The following CBLB variants were observed in gnomAD, a reference collection of about 807,000 sequenced individuals.
The protein encoded by CBLB is E3 ubiquitin-protein ligase CBL-B.
Under a neutral mutation model 104.9 loss-of-function variants are expected in CBLB, and 31 were observed. The observed-to-expected ratio is 0.30, with a 90% CI of 0.22 to 0.40. The LOEUF (loss-of-function observed/expected upper bound fraction) is 0.40, where lower values mean the gene tolerates loss of function less well. Ranked by LOEUF, CBLB falls within the 10% of genes least tolerant of loss-of-function variation. The pLI, the probability that CBLB is intolerant of heterozygous loss-of-function variation, is 1.00. For missense variants in CBLB, 1,062 were observed against 1,214.6 expected (o/e 0.87, Z 1.87); for synonymous variants, 440 against 422.6 (o/e 1.04, Z -0.51).
chr3:105,841,445 G>C (rs1309434476), intron 3 of CBLB, among the ~76,000 whole-genome samples: 1 of 151,656 alleles, frequency 6.6e-6, no homozygotes, highest in East Asian at 1.9e-4. Flanking sequence ...TAAAATGGCA[G>C]AAACCAAGAT....
chr3:105,752,833 TG>T (rs1457201228), intron 4 of CBLB, among the ~76,000 whole-genome samples: 1 of 152,188 alleles, frequency 6.6e-6, no homozygotes, highest in Non-Finnish European at 1.5e-5. Context: ...TCAGTAGCAT[TG>T]GGGTGGGGCC....
intron 3 of CBLB, among the ~76,000 whole-genome samples, chr3:105,805,682 C>G (rs544193794): frequency 6.6e-6 from 1 of 152,128 alleles, no homozygotes; most frequent in Non-Finnish European, 1.5e-5. Context: ...ACATGTCTTA[C>G]GGCTTCAGGC....
intron 2 of CBLB, among the ~76,000 whole-genome samples, chr3:105,859,332 G>A (rs191777284): frequency 1.3e-4 from 20 of 152,274 alleles, no homozygotes; most frequent in African/African-American, 3.6e-4. Context: ...ACTCTCAAGT[G>A]AACTGCCTCA....
At chr3:105,677,293 T>A (rs1268807640) in intron 17 of CBLB, among the ~76,000 whole-genome samples, 1 of 151,030 alleles carries the variant, frequency 6.6e-6, no homozygotes, top group Non-Finnish European at 1.5e-5. Flanking sequence ...AAGTTGTACG[T>A]CCATAACTTG....
chr3:105,815,526 T>A (rs1277262546), intron 3 of CBLB, among the ~76,000 whole-genome samples: 1 of 152,176 alleles, frequency 6.6e-6, no homozygotes, highest in Admixed American at 6.5e-5. Context: ...AGAATGGTGA[T>A]CACTAAAAAG....
intron 3 of CBLB, among the ~76,000 whole-genome samples, chr3:105,821,545 G>T (rs1485589958): frequency 1.3e-5 from 2 of 152,068 alleles, no homozygotes; most frequent in Admixed American, 1.3e-4. Context: ...AGAAATCTTT[G>T]CAGGGCAGGT....
At chr3:105,730,156 G>A (rs572138053) in intron 9 of CBLB, among the ~76,000 whole-genome samples, 21 of 151,556 alleles carry the variant, frequency 1.4e-4, no homozygotes, top group African/African-American at 4.3e-4. Context: ...GTAAAACAGC[G>A]ATAAAAATGC....
At chr3:105,798,182 C>G (rs891977543) in intron 3 of CBLB, among the ~76,000 whole-genome samples, 1 of 152,058 alleles carries the variant, frequency 6.6e-6, no homozygotes, top group African/African-American at 2.4e-5. Flanking sequence ...TTATATTGAA[C>G]GAAGAGATAT....
Position 105,688,135 on chromosome 3 carries a change from G to A in CBLB, c.2055-2669C>T, listed in dbSNP as rs527641134. On this transcript the variant is annotated intron_variant, in intron 13 of 18. Transcript: ENST00000394030. ...ATTTTCAGTCATTGACTAAACTTAC[G>A]GGAAATTTTTAGGATACCAGAGGAA... 1.0e-3 allele frequency among the ~76,000 whole-genome samples: 155 copies of A among 151,970 alleles called. 2 individuals are homozygous for A. Among genetic ancestry groups the A allele is most frequent in the African/African-American group, 3.4e-3 (141 of 41,490 alleles).
At chr3:105,752,942 A>C (rs2076723149) in intron 4 of CBLB, among the ~76,000 whole-genome samples, 1 of 152,218 alleles carries the variant, frequency 6.6e-6, no homozygotes, top group South Asian at 2.1e-4. Flanking sequence ...TTCATTGCTA[A>C]AACAAGGCAC....
chr3:105,733,141 A>G (rs2074506442), intron 9 of CBLB, among the ~76,000 whole-genome samples: 1 of 152,058 alleles, frequency 6.6e-6, no homozygotes. Context: ...GTGGATCACA[A>G]GGTCAGGAGA....
At chr3:105,701,138 T>C (rs1416673197) in intron 12 of CBLB, among the ~76,000 whole-genome samples, 1 of 152,162 alleles carries the variant, frequency 6.6e-6, no homozygotes, top group Non-Finnish European at 1.5e-5. Context: ...CTACCAAGAA[T>C]TCTAAAGTAA....
intron 4 of CBLB, among the ~76,000 whole-genome samples, chr3:105,757,910 C>T (rs1422766497): frequency 6.6e-6 from 1 of 152,184 alleles, no homozygotes; most frequent in Non-Finnish European, 1.5e-5. Context: ...TCAGAAAATT[C>T]ACCTTGATCA....
chr3:105,867,378 G>A (rs1462035129), intron 2 of CBLB, 32 bp downstream of exon 2: 1 of 1,603,280 alleles, frequency 6.2e-7, no homozygotes, highest in South Asian at 1.1e-5. Flanking sequence ...AGTGAATAGT[G>A]TTTCGCACAG....
intron 3 of CBLB, among the ~76,000 whole-genome samples, chr3:105,778,373 T>TA (rs964508748): frequency 6.6e-6 from 1 of 152,204 alleles, no homozygotes; most frequent in African/African-American, 2.4e-5. Context: ...GGAGATCATT[T>TA]AATATGCACC....
At chr3:105,796,878 C>T (rs1198412872) in intron 3 of CBLB, among the ~76,000 whole-genome samples, 3 of 152,090 alleles carry the variant, frequency 2.0e-5, no homozygotes, top group Non-Finnish European at 2.9e-5. Context: ...ACAATGGGAA[C>T]CATCTCACAG....
chr3:105,681,746 A>T lies in CBLB; in HGVS notation c.2274T>A (p.Pro758=). ...GPSSEKKSNI[P]DLSIYLKGDV... ...TACCCTTTAAATATATGCTTAAGTC[A>T]GGGATGTTTGATTTCTTCTCTGAAG... Residue 758 remains proline (P), a synonymous_variant, in exon 15 of 19, where the codon CCT becomes CCA. Coordinates refer to ENST00000394030, the MANE Select transcript of CBLB (RefSeq NM_170662.5). 6.2e-7 allele frequency: 1 copy of T among 1,609,390 alleles called. No individual in the cohort carries two copies. Among genetic ancestry groups the T allele is most frequent in the Non-Finnish European group, 8.5e-7 (1 of 1,175,770 alleles).
At chr3:105,867,672 T>C (rs1029699100) in intron 1 of CBLB, 81 bp from the exon 2 acceptor site, 1 of 1,175,940 alleles carries the variant, frequency 8.5e-7, no homozygotes. Flanking sequence ...GACTAACTTG[T>C]ACCACTGCAT....
chr3:105,783,713 AAG>A (rs151229857), intron 3 of CBLB, among the ~76,000 whole-genome samples: 2 of 152,146 alleles, frequency 1.3e-5, no homozygotes, highest in African/African-American at 4.8e-5. Flanking sequence ...GGGCAATCAG[AAG>A]AGAGAGAGTG....
Sources: gnomAD v4.1 joint callset for allele counts (sites outside exome capture counted in the v4.1 genomes callset) on GRCh38, gnomAD v4.1.1 for gene constraint, MANE v1.5 for transcripts, NCBI Gene and HGNC (gene_info 2026-07-23, HGNC 2026-07-21) for gene names.